ZNF121: variants seen among roughly 807,000 people sequenced by gnomAD.
ZNF121 encodes zinc finger protein 121, also known as zinc finger protein 121 (clone ZHC32).
ZNF121 carries 1 observed loss-of-function variant against 2.4 expected under a neutral mutation model. The ratio of observed to expected loss-of-function variants is 0.41; its 90% CI spans 0.15 to 1.94. The LOEUF (loss-of-function observed/expected upper bound fraction) is 1.94, where lower values mean the gene tolerates loss of function less well. Among genes scored for constraint, ZNF121 ranks in the 30% most tolerant of loss-of-function variants. ZNF121 has a pLI of 0.30. For synonymous variants in ZNF121, 173 were observed against 158.6 expected, an observed-to-expected ratio of 1.09 and a Z score of -0.68; for missense variants, 369 against 466.3, an observed-to-expected ratio of 0.79 and a Z score of 1.92.
rs1216602194 is a variant in ZNF121 at position 9,563,325 on chromosome 19, T to C, written c.*2615A>G. On this transcript the variant is annotated 3_prime_UTR_variant, in exon 4 of 4. Coordinates refer to ENST00000320451, the MANE Select transcript of ZNF121 (RefSeq NM_001008727.5). The stretch of plus-strand genomic sequence containing the variant: ...AATTCTATGAAGGCTGAGAGGTGAG[T>C]TAGCTGCAGAAGAAATGCTGGAAGC... 1 of 152,088 alleles carries C rather than the reference T, an allele frequency of 6.6e-6. No homozygotes were observed. Among genetic ancestry groups the C allele is most frequent in the Non-Finnish European group, 1.5e-5 (1 of 68,026 alleles). The allele number at this position is 152,088 out of a possible 1,614,324, so 9.4% of individuals were successfully genotyped here.
chr19:9,582,831 G>A (rs2074257016), intron 1 of ZNF121, among the ~76,000 whole-genome samples: 1 of 149,792 alleles, frequency 6.7e-6, no homozygotes. Context: ...AGAAAAAAAT[G>A]TCAAAACTAC....
intron 1 of ZNF121, among the ~76,000 whole-genome samples, chr19:9,572,987 C>A (rs763952051): frequency 6.6e-6 from 1 of 152,064 alleles, no homozygotes; most frequent in Non-Finnish European, 1.5e-5. Flanking sequence ...GGCACTGCAA[C>A]CTGGGTGACA....
chr19:9,577,704 A>G (rs768147524), intron 1 of ZNF121, among the ~76,000 whole-genome samples: 2 of 152,136 alleles, frequency 1.3e-5, no homozygotes, highest in Non-Finnish European at 2.9e-5. Context: ...TAAAATGTAT[A>G]TGCAATCACA....
In ZNF121 at chr19:9,565,386, AAGGCC is replaced by A. The variant is rs2074123446; in HGVS notation, c.*549_*553del. 1 of 147,270 alleles carries A rather than the reference AAGGCC, an allele frequency of 6.8e-6. No individual in the cohort carries two copies. The highest frequency in any genetic ancestry group is 1.5e-5 in the Non-Finnish European group (1 of 67,620). 9.1% of individuals were successfully genotyped at this position (147,270 alleles called of 1,614,324 possible). A position where few individuals can be genotyped will look rare whatever the true frequency, so the allele number is the denominator to read the frequency against. ...AAAAAAAAAAAAAAAAAAAAAAAAA[AAGGCC>A]AGGAGCAGTGGCTCACTCCTATAAT... On this transcript the variant is annotated 3_prime_UTR_variant, in exon 4 of 4. Transcript: ENST00000320451.
At chr19:9,568,001 T>G (rs2074145908) in intron 3 of ZNF121, 94 bp downstream of exon 3, 4 of 1,343,536 alleles carry the variant, frequency 3.0e-6, no homozygotes. Flanking sequence ...TGAGTAAATG[T>G]TACCTCTCTC....
chr19:9,564,108 T>G lies in ZNF121; in HGVS notation c.*1832A>C, dbSNP rs1369342959. 6.6e-6 allele frequency: 1 copy of G among 152,238 alleles called. No individual in the cohort carries two copies. The highest frequency in any genetic ancestry group is 1.5e-5 in the Non-Finnish European group (1 of 68,046). 9.4% of individuals were successfully genotyped at this position (152,238 alleles called of 1,614,324 possible). ...TATAGCTGCCACTAATAATGCTTCTTCTGAGGGATCTGGATAAATTAAGTT... is the reference window on the plus strand; with the variant it reads ...TATAGCTGCCACTAATAATGCTTCTGCTGAGGGATCTGGATAAATTAAGTT... On this transcript the variant is annotated 3_prime_UTR_variant, in exon 4 of 4. Transcript: ENST00000320451.
rs781079358 is a variant in ZNF121 at position 9,566,886 on chromosome 19, T to C, written c.227A>G (p.Asn76Ser). ...QCRKAFSLPP[N>S]VHQRTWIGDK... ...TCCTATCCACGTTCTCTGGTGAACA[T>C]TTGGTGGCAGGCTGAAGGCTTTTCT... is the stretch of plus-strand genomic sequence containing the variant. The change falls in exon 4 of 4, where the codon AAT becomes AGT. Residue 76 changes from asparagine (N) to serine (S), a missense_variant. Physicochemically the swap from Asn to Ser is conservative, Grantham distance 46. Transcript: ENST00000320451. 8 of 1,614,104 alleles carry C rather than the reference T, an allele frequency of 5.0e-6. No homozygotes were observed. In the Admixed American group the frequency reaches 1.2e-4, roughly 24 times the overall value.
rs138789796 is a variant in ZNF121, at chr19:9,566,423, A to G, written c.690T>C (p.Cys230=). Residue 230 remains cysteine (C), a synonymous_variant, in exon 4 of 4, where the codon TGT becomes TGC. Transcript: ENST00000320451. ...TATTGTAGGCTTTCCCACATTCGTT[A>G]CATTCATAGGGCTTCTCTCCAGTGT... The part of the protein sequence containing the change: ...RIHTGEKPYE[C]NECGKAYNRF... 4.8e-4 allele frequency: 776 copies of G among 1,614,076 alleles called. 2 individuals are homozygous for G. Among genetic ancestry groups the G allele is most frequent in the Non-Finnish European group, 5.0e-4 (585 of 1,180,004 alleles).
At chr19:9,579,078 A>T (rs1413784397) in intron 1 of ZNF121, among the ~76,000 whole-genome samples, 1 of 152,186 alleles carries the variant, frequency 6.6e-6, no homozygotes, top group Non-Finnish European at 1.5e-5. Context: ...AGGTATACGG[A>T]AAAAATGCTC....
rs2144801249 is a variant in ZNF121, at chr19:9,563,882, G to A, written c.*2058C>T. ...ACATCTATTTACAGCATGGTTTACT[G>A]AATATTTTAAGCCCACTGTAAAACA... On this transcript the variant is annotated 3_prime_UTR_variant, in exon 4 of 4. Transcript: ENST00000320451. 6.6e-6 allele frequency: 1 copy of A among 152,272 alleles called. No individual in the cohort carries two copies. The highest frequency in any genetic ancestry group is 2.4e-5 in the African/African-American group (1 of 41,556). The allele number at this position is 152,272 out of a possible 1,614,324, so 9.4% of individuals were successfully genotyped here. A position where few individuals can be genotyped will look rare whatever the true frequency, so the allele number is the denominator to read the frequency against.
rs118007659 is a variant in ZNF121 at position 9,576,244 on chromosome 19, G to A, written c.-159-7162C>T. Among the ~76,000 whole-genome samples the A allele has an allele frequency of 1.3e-3, 192 of 151,832 alleles. 1 individual carries two copies. Among genetic ancestry groups the A allele is most frequent in the Non-Finnish European group, 2.2e-3 (150 of 67,926 alleles). On this transcript the variant is annotated intron_variant, in intron 1 of 3. Transcript: ENST00000320451. ...AGTGGTGGCTCATGCCTATAATCCCGGCACTTTGGGAGGCCAACATGGGGA... is the reference window on the plus strand; with the variant it reads ...AGTGGTGGCTCATGCCTATAATCCCAGCACTTTGGGAGGCCAACATGGGGA...
At chr19:9,582,459 G>A (rs932446143) in intron 1 of ZNF121, among the ~76,000 whole-genome samples, 2 of 152,000 alleles carry the variant, frequency 1.3e-5, no homozygotes, top group African/African-American at 2.4e-5. Context: ...GCCCCTGCCC[G>A]CAAGAGAACA....
chr19:9,573,902 C>G (rs1599739225), intron 1 of ZNF121, among the ~76,000 whole-genome samples: 1 of 151,906 alleles, frequency 6.6e-6, no homozygotes. Flanking sequence ...GCTGGAGTAC[C>G]GTGGCACAAT....
At chr19:9,581,689 G>A (rs1457566551) in intron 1 of ZNF121, among the ~76,000 whole-genome samples, 1 of 151,970 alleles carries the variant, frequency 6.6e-6, no homozygotes, top group East Asian at 1.9e-4. Flanking sequence ...AACTGTTCTA[G>A]GTAAAAAGAC....
At chr19:9,568,257 C>A in intron 2 of ZNF121, 82 bp from the exon 3 acceptor site, 3 of 606,570 alleles carry the variant, frequency 4.9e-6, no homozygotes, top group Non-Finnish European at 8.1e-6. Context: ...TTATAAAGCT[C>A]ATTTTTATTT....
At chr19:9,580,856 T>C (rs777155794) in intron 1 of ZNF121, among the ~76,000 whole-genome samples, 9 of 152,208 alleles carry the variant, frequency 5.9e-5, no homozygotes, top group Non-Finnish European at 8.8e-5. Context: ...TAACTGTTTC[T>C]CTTTTGAGAA....
intron 1 of ZNF121, among the ~76,000 whole-genome samples, chr19:9,580,075 G>C (rs939228998): frequency 3.9e-5 from 6 of 151,962 alleles, no homozygotes; most frequent in South Asian, 4.2e-4. Flanking sequence ...GGCGGATCAC[G>C]ACGTCAGGAG....
chr19:9,583,489 CTT>C (rs1185311747), intron 1 of ZNF121, among the ~76,000 whole-genome samples: 13 of 56,396 alleles, frequency 2.3e-4, no homozygotes, highest in East Asian at 5.4e-4. Context: ...CCAAGCCTGG[CTT>C]TTTTTTTTTT....
intron 1 of ZNF121, among the ~76,000 whole-genome samples, chr19:9,573,871 C>T (rs1441038978): frequency 6.6e-6 from 1 of 152,036 alleles, no homozygotes; most frequent in Non-Finnish European, 1.5e-5. Flanking sequence ...TTTTGTGAGA[C>T]GGTCTCACTC....
Sources: gnomAD v4.1 joint callset for allele counts (sites outside exome capture counted in the v4.1 genomes callset) on GRCh38, gnomAD v4.1.1 for gene constraint, MANE v1.5 for transcripts, NCBI Gene and HGNC (gene_info 2026-07-23, HGNC 2026-07-21) for gene names.